Variants in LRP1B observed in about 807,000 individuals in gnomAD.
LRP1B encodes LDL receptor related protein 1B.
In LRP1B, 217 loss-of-function variants were observed where a neutral mutation model predicts 556.6. The ratio of observed to expected loss-of-function variants is 0.39; its 90% CI spans 0.35 to 0.44. The LOEUF (loss-of-function observed/expected upper bound fraction) is 0.44, where lower values mean the gene tolerates loss of function less well. LRP1B is among the 20% of genes least tolerant of loss of function. The pLI, the probability that LRP1B is intolerant of heterozygous loss-of-function variation, is 1.00. For missense variants in LRP1B, 5,053 were observed against 5,620.8 expected (o/e 0.90, Z 3.23); for synonymous variants, 2,047 against 1,865.8 (o/e 1.10, Z -2.50).
chr2:141,971,582 T>C (rs1701733550), intron 1 of LRP1B, among the ~76,000 whole-genome samples: 1 of 151,434 alleles, frequency 6.6e-6, no homozygotes, highest in Admixed American at 6.6e-5. Context: ...AGGGATTTTG[T>C]CGATGGTAAC....
At chr2:141,453,708 G>A (rs1483736061) in intron 3 of LRP1B, among the ~76,000 whole-genome samples, 3 of 152,008 alleles carry the variant, frequency 2.0e-5, no homozygotes, top group Non-Finnish European at 2.9e-5. Flanking sequence ...TCCTGAGGTC[G>A]GGAGTTTGAG....
In LRP1B at chr2:140,233,250, A is replaced by G. The variant is rs948304742; in HGVS notation, c.13736T>C (p.Val4579Ala). The G allele has an allele frequency of 1.2e-6, 2 of 1,605,656 alleles. No homozygotes were observed. The highest frequency in any genetic ancestry group is 8.5e-7 in the Non-Finnish European group (1 of 1,174,320). The change falls in exon 91 of 91, where the codon GTT (valine) becomes GCT (alanine). Residue 4579 changes from valine to alanine, a missense_variant. By Grantham distance (64) the Val-to-Ala change is moderately conservative. Transcript: ENST00000389484. ...GQNCRNSLGS[V>A]DERKELLPKK... is the part of the protein sequence containing the mutation. The stretch of plus-strand genomic sequence containing the variant: ...TGGAAGCAGTTCTTTCCTTTCATCA[A>G]CACTTCCTAAGGAGTTTCGACAGTT...
At chr2:141,133,456 A>T (rs2105033167) in intron 7 of LRP1B, among the ~76,000 whole-genome samples, 1 of 152,162 alleles carries the variant, frequency 6.6e-6, no homozygotes, top group Admixed American at 6.6e-5. Context: ...ACATTAAGTA[A>T]ATTCCTCAAC....
chr2:140,235,832 A>AGG (rs1680673216), intron 89 of LRP1B, among the ~76,000 whole-genome samples: 1 of 151,112 alleles, frequency 6.6e-6, no homozygotes. Context: ...CTTCATATGA[A>AGG]AAATGTGTAA....
intron 51 of LRP1B, among the ~76,000 whole-genome samples, chr2:140,514,066 A>G (rs2104929554): frequency 6.6e-6 from 1 of 152,152 alleles, no homozygotes; most frequent in African/African-American, 2.4e-5. Flanking sequence ...TTACAAAGCA[A>G]TCATACTGGG....
intron 83 of LRP1B, among the ~76,000 whole-genome samples, chr2:140,302,018 T>A (rs1683853902): frequency 6.6e-6 from 1 of 152,064 alleles, no homozygotes. Flanking sequence ...CTTCTTCAAA[T>A]TTTCTCTTTG....
intron 3 of LRP1B, among the ~76,000 whole-genome samples, chr2:141,391,470 G>C (rs1369971238): frequency 1.3e-5 from 2 of 152,128 alleles, no homozygotes; most frequent in Non-Finnish European, 2.9e-5. Context: ...AGAGATGGTG[G>C]CGTGTTTGAG....
intron 2 of LRP1B, among the ~76,000 whole-genome samples, chr2:141,757,896 C>T (rs1203290147): frequency 5.9e-5 from 4 of 68,058 alleles, no homozygotes; most frequent in Non-Finnish European, 1.4e-4. Context: ...CTTATTAATT[C>T]AGCGTTTTTC....
intron 3 of LRP1B, among the ~76,000 whole-genome samples, chr2:141,316,841 G>T (rs1050185225): frequency 3.3e-5 from 5 of 152,210 alleles, no homozygotes; most frequent in African/African-American, 9.7e-5. Context: ...CTACTCATTT[G>T]CAATTCATTG....
chr2:141,498,213 T>G (rs1683584245), intron 2 of LRP1B, among the ~76,000 whole-genome samples: 1 of 151,984 alleles, frequency 6.6e-6, no homozygotes, highest in Non-Finnish European at 1.5e-5. Context: ...GTAATACACA[T>G]TTTTAAACAA....
At position 140,485,609 on chromosome 2, in the gene LRP1B, T is replaced by C. The variant is rs560354997; in HGVS notation, c.9244-85A>G. The C allele has an allele frequency of 1.7e-5, 15 of 906,102 alleles. No homozygotes were observed. In the East Asian group the frequency reaches 4.0e-4, roughly 24 times the overall value. 56.1% of individuals were successfully genotyped at this position (906,102 alleles called of 1,614,324 possible). On this transcript the variant is annotated intron_variant, in intron 58 of 90. Coordinates refer to ENST00000389484, the MANE Select transcript of LRP1B (RefSeq NM_018557.3). ...TTGCTTCTTGATTTTTACAGAGATA[T>C]AGAATTCCATTTAAATGTAAAGAAT...
intron 84 of LRP1B, among the ~76,000 whole-genome samples, chr2:140,292,520 G>A (rs1683429803): frequency 6.6e-6 from 1 of 151,984 alleles, no homozygotes; most frequent in African/African-American, 2.4e-5. Context: ...CCCCTTTGCT[G>A]CTTCCCTTTC....
intron 1 of LRP1B, among the ~76,000 whole-genome samples, chr2:142,002,283 G>A (rs1702677904): frequency 6.6e-6 from 1 of 151,938 alleles, no homozygotes; most frequent in Non-Finnish European, 1.5e-5. Flanking sequence ...CATGTTAATT[G>A]CAATATCAAA....
At chr2:141,467,119 T>TACACACACACACACAC (rs1682253584) in intron 3 of LRP1B, among the ~76,000 whole-genome samples, 1 of 2,184 alleles carries the variant, frequency 4.6e-4, no homozygotes, top group African/African-American at 6.8e-4. Context: ...TATATATATA[T>TACACACACACACACAC]ATATCTATAT....
chr2:140,485,250 T>C, intron 59 of LRP1B, 93 bp downstream of exon 59: 4 of 900,994 alleles, frequency 4.4e-6, no homozygotes, highest in Non-Finnish European at 6.4e-6. Context: ...CACGTTACAT[T>C]GGATTTCCAT....
rs993105429 is a variant in LRP1B at position 140,722,685 on chromosome 2, C to T, written c.5759-5869G>A. On this transcript the variant is annotated intron_variant, in intron 35 of 90. Coordinates refer to ENST00000389484, the MANE Select transcript of LRP1B (RefSeq NM_018557.3). ...CTTTAGAATGTAAAGCTTCCCTTTA[C>T]TGTTTAATAATAAGTTGTTTATTAG... 2.4e-4 allele frequency among the ~76,000 whole-genome samples: 36 copies of T among 152,166 alleles called. 1 individual carries two copies. The highest frequency in any genetic ancestry group is 7.3e-5 in the Non-Finnish European group (5 of 68,030).
At chr2:142,065,743 A>T (rs2104901151) in intron 1 of LRP1B, among the ~76,000 whole-genome samples, 1 of 151,442 alleles carries the variant, frequency 6.6e-6, no homozygotes, top group South Asian at 2.1e-4. Flanking sequence ...CAAATGAAAA[A>T]CACCTTCACC....
At chr2:140,523,316 A>G (rs556217370) in intron 49 of LRP1B, among the ~76,000 whole-genome samples, 1 of 152,010 alleles carries the variant, frequency 6.6e-6, no homozygotes, top group Non-Finnish European at 1.5e-5. Flanking sequence ...CAATAGACAC[A>G]GAAAAAGCAT....
chr2:140,535,122 A>G (rs1379095024), intron 46 of LRP1B, among the ~76,000 whole-genome samples: 2 of 152,142 alleles, frequency 1.3e-5, no homozygotes, highest in Non-Finnish European at 2.9e-5. Flanking sequence ...ACAACAGAGG[A>G]TATGTGACAG....
Sources: allele counts gnomAD v4.1 joint callset (sites outside exome capture counted in the v4.1 genomes callset), GRCh38; gene constraint gnomAD v4.1.1; transcripts MANE v1.5; gene names NCBI Gene and HGNC (gene_info 2026-07-23, HGNC 2026-07-21).